RYR1: variants seen among roughly 807,000 people sequenced by gnomAD.
RYR1 encodes ryanodine receptor 1, also known as central core disease of muscle.
In RYR1, 342 loss-of-function variants were observed where a neutral mutation model predicts 583.5. That is an observed-to-expected ratio of 0.59 (90% CI 0.54 to 0.64). The LOEUF (loss-of-function observed/expected upper bound fraction) is 0.64, where lower values mean the gene tolerates loss of function less well. RYR1 is among the 30% of genes least tolerant of loss of function. RYR1 has a pLI of 0.00. For synonymous variants in RYR1, 2,791 were observed against 2,822.5 expected (o/e 0.99, Z 0.35); for missense variants, 6,032 against 6,917.2 (o/e 0.87, Z 4.54).
chr19:38,580,388 C>T lies in RYR1; in HGVS notation c.14530C>T (p.Leu4844Phe). ...NGKQLVMTVGLLAVVVYLYTV... is the reference protein window; with the variant it reads ...NGKQLVMTVGFLAVVVYLYTV... ...CCCCCAGCTGGTGATGACCGTGGGC[C>T]TTCTGGCGGTGGTCGTCTACCTGTA... The change falls in exon 101 of 106, where the codon CTT becomes TTT. Residue 4844 changes from leucine to phenylalanine, a missense_variant. Physicochemically the swap from Leu to Phe is conservative, Grantham distance 22. This residue lies in a region of RYR1 where 189 missense variants were observed against 350.3 expected (regional missense o/e 0.54). Transcript: ENST00000359596. The T allele has an allele frequency of 3.1e-6, 5 of 1,614,136 alleles. No homozygotes were observed. The highest frequency in any genetic ancestry group is 4.2e-6 in the Non-Finnish European group (5 of 1,180,030).
In RYR1 at chr19:38,535,195, A is replaced by G. The variant is rs753534582; in HGVS notation, c.11414A>G (p.Asn3805Ser). The G allele has an allele frequency of 1.3e-5, 21 of 1,613,966 alleles. No individual in the cohort carries two copies. Among genetic ancestry groups the G allele is most frequent in the African/African-American group, 8.0e-5 (6 of 74,890 alleles). Residue 3805 changes from asparagine to serine, a missense_variant, in exon 80 of 106, where the codon AAT becomes AGT. Coordinates refer to ENST00000359596, the MANE Select transcript of RYR1 (RefSeq NM_000540.3). ...STLKLGISIL[N>S]GGNAEVQQKM... is the part of the protein sequence containing the mutation. Reference sequence around the variant, plus strand: ...CTGAAGCTGGGCATCTCCATCCTCAATGGAGGCAATGCTGAGGTCCAGCAG... The same window carrying G: ...CTGAAGCTGGGCATCTCCATCCTCAGTGGAGGCAATGCTGAGGTCCAGCAG...
chr19:38,492,710 C>CA, intron 38 of RYR1, 74 bp downstream of exon 38: 1 of 1,481,454 alleles, frequency 6.8e-7, no homozygotes, highest in Non-Finnish European at 9.2e-7. Context: ...CTCTGGGTCC[C>CA]AAAGAGGGCA....
At chr19:38,526,338 T>TC (rs1228274819) in intron 71 of RYR1, among the ~76,000 whole-genome samples, 4 of 143,742 alleles carry the variant, frequency 2.8e-5, no homozygotes, top group East Asian at 4.1e-4. Context: ...CCTATAGCCC[T>TC]CCCCCCAGGA....
At chr19:38,473,837 A>G (rs1600731876) in intron 28 of RYR1, 66 bp downstream of exon 28, 4 of 1,238,588 alleles carry the variant, frequency 3.2e-6, no homozygotes, top group Non-Finnish European at 4.4e-6. Context: ...AGGCAACCAC[A>G]GTAACCTGAG....
chr19:38,587,083 A>G (rs1974526034), intron 105 of RYR1, among the ~76,000 whole-genome samples: 2 of 152,196 alleles, frequency 1.3e-5, no homozygotes, highest in Admixed American at 6.5e-5. Context: ...GCCTAGGAAC[A>G]CAGCGAGACC....
chr19:38,512,321 G>C lies in RYR1; in HGVS notation c.9310G>C (p.Glu3104Gln). 1 of 1,614,234 alleles carries C rather than the reference G, an allele frequency of 6.2e-7. No individual in the cohort carries two copies. The highest frequency in any genetic ancestry group is 8.5e-7 in the Non-Finnish European group (1 of 1,180,054). ...CTTCGAGAGTGCCTCGGAGGACATC[G>C]AGAAGATGGTGGAGAACCTGCGGCT... Reference protein sequence around the residue: ...SFFESASEDIEKMVENLRLGK... With the variant: ...SFFESASEDIQKMVENLRLGK... Residue 3104 changes from glutamate (E) to glutamine (Q), a missense_variant, in exon 63 of 106, where the codon GAG becomes CAG. Physicochemically the swap from Glu to Gln is conservative, Grantham distance 29. This residue lies in a region of RYR1 where 1,493 missense variants were observed against 1,715.5 expected (regional missense o/e 0.87). Transcript: ENST00000359596. This position sits in a 1 kb window ranked among gnomAD's most constrained non-coding sequence, Gnocchi z 5.1.
In RYR1 at chr19:38,543,670, TC is replaced by T. The variant is rs765730769; in HGVS notation, c.11907+15del. ...CACTGAGTACATCCAGGTAGGGCGCTCCCCCTGGGGCGGGAGTGGGAAGGGA... is the reference window on the plus strand; with the variant it reads ...CACTGAGTACATCCAGGTAGGGCGCTCCCCTGGGGCGGGAGTGGGAAGGGA... On this transcript the variant is annotated intron_variant, in intron 86 of 105. Coordinates refer to ENST00000359596, the MANE Select transcript of RYR1 (RefSeq NM_000540.3). The surrounding 1 kb of genome is among the most constrained non-coding windows in gnomAD (Gnocchi z 4.4). 1 of 1,613,060 alleles carries T rather than the reference TC, an allele frequency of 6.2e-7. No homozygotes were observed. Among genetic ancestry groups the T allele is most frequent in the Non-Finnish European group, 8.5e-7 (1 of 1,179,948 alleles).
rs577473117 is a variant in RYR1, at chr19:38,466,744, G to A, written c.3178+346G>A. 1.1e-3 allele frequency among the ~76,000 whole-genome samples: 162 copies of A among 151,970 alleles called. 3 individuals are homozygous for A. The South Asian group carries it at 0.017, about 16-fold the overall frequency. On this transcript the variant is annotated intron_variant, in intron 24 of 105. Transcript: ENST00000359596. ...TCTCGATCTCCTGACCTCGTGATCC[G>A]CCTGCCTCGGACTCCCAAAGTGCTG...
At chr19:38,572,998 T>C (rs768301668) in intron 95 of RYR1, among the ~76,000 whole-genome samples, 179 bp from the exon 96 acceptor site, 2 of 147,134 alleles carry the variant, frequency 1.4e-5, no homozygotes. Flanking sequence ...CCTCTGCCCA[T>C]GTTCCCCACA....
At chr19:38,585,442 TTA>T (rs893706756) in intron 102 of RYR1, among the ~76,000 whole-genome samples, 2 of 147,768 alleles carry the variant, frequency 1.4e-5, no homozygotes, top group African/African-American at 4.9e-5. Context: ...TTATATATAT[TTA>T]TATATATGTG....
rs189727800 is a variant in RYR1, at chr19:38,453,759, C to T, written c.1440+745C>T. 3.5e-3 allele frequency among the ~76,000 whole-genome samples: 536 copies of T among 151,770 alleles called. 2 individuals are homozygous for T. The highest frequency in any genetic ancestry group is 0.012 in the African/African-American group (517 of 41,374). ...CCATGTGCAAAGGCCATGAGGTGGG[C>T]GGGTGTTTGGCATGTTCCAGAAACA... On this transcript the variant is annotated intron_variant, in intron 13 of 105. Coordinates refer to ENST00000359596, the MANE Select transcript of RYR1 (RefSeq NM_000540.3).
intron 90 of RYR1, among the ~76,000 whole-genome samples, chr19:38,564,043 C>T (rs1973272525): frequency 1.3e-5 from 2 of 152,206 alleles, no homozygotes; most frequent in Admixed American, 6.5e-5. Flanking sequence ...ACAGTGAGTG[C>T]TCTCTATAAA....
At chr19:38,473,897 G>C in intron 28 of RYR1, 126 bp downstream of exon 28, 1 of 695,408 alleles carries the variant, frequency 1.4e-6, no homozygotes, top group Non-Finnish European at 2.3e-6. Context: ...AGTGGAGTAA[G>C]AATACCGAGA....
At chr19:38,504,974 A>G (rs781411740) in intron 51 of RYR1, 29 bp from the exon 52 acceptor site, 1 of 1,614,086 alleles carries the variant, frequency 6.2e-7, no homozygotes, top group Admixed American at 1.7e-5. Flanking sequence ...CCCCAGCTCC[A>G]ACATCTGCTG....
chr19:38,569,093 CT>C (rs1429594917), intron 93 of RYR1, among the ~76,000 whole-genome samples: 1 of 152,050 alleles, frequency 6.6e-6, no homozygotes, highest in African/African-American at 2.4e-5. Flanking sequence ...TCACTGCAAG[CT>C]CTGACTCCTG....
chr19:38,437,988 TAAA>T (rs11452334), intron 1 of RYR1, among the ~76,000 whole-genome samples: 2 of 139,998 alleles, frequency 1.4e-5, no homozygotes, highest in African/African-American at 5.3e-5. Flanking sequence ...CCCAGTCTCT[TAAA>T]AAAAAAAAAA....
Position 38,485,988 on chromosome 19 carries a change from C to T in RYR1, c.5333C>T (p.Ser1778Leu), listed in dbSNP as rs367543055. ...TCGCTGAGGCCCCCGCATCATTTCT[C>T]GCCCCCCTGTTTCGTGGCCGCTCTG... ...TTSLRPPHHF[S>L]PPCFVAALPA... The change falls in exon 34 of 106, where the codon TCG becomes TTG. Residue 1778 changes from serine to leucine, a missense_variant. By Grantham distance (145) the Ser-to-Leu change is moderately radical (BLOSUM62 -2). Around this residue, in one of 11 missense-constraint regions of RYR1, gnomAD observed 2,627 missense variants for 2,961.3 expected, o/e 0.89. Coordinates refer to ENST00000359596, the MANE Select transcript of RYR1 (RefSeq NM_000540.3). 2 of 1,613,582 alleles carry T rather than the reference C, an allele frequency of 1.2e-6. No individual in the cohort carries two copies. Among genetic ancestry groups the T allele is most frequent in the East Asian group, 2.2e-5 (1 of 44,880 alleles).
At position 38,510,251 on chromosome 19, in the gene RYR1, G is replaced by T. The variant is rs1243072753; in HGVS notation, c.8933-247G>T. 2.0e-5 allele frequency among the ~76,000 whole-genome samples: 3 copies of T among 152,248 alleles called. No individual in the cohort carries two copies. In the East Asian group the frequency reaches 5.8e-4, roughly 29 times the overall value. On this transcript the variant is annotated intron_variant, in intron 58 of 105. Coordinates refer to ENST00000359596, the MANE Select transcript of RYR1 (RefSeq NM_000540.3). ...CAGGAGAATCGCTTGAACTCAGGAGGCAGAGAGTGCAGTGAGCCGAGATCG... is the reference window on the plus strand; with the variant it reads ...CAGGAGAATCGCTTGAACTCAGGAGTCAGAGAGTGCAGTGAGCCGAGATCG...
In RYR1 at chr19:38,485,756, C is replaced by T. The variant is rs1326265248; in HGVS notation, c.5101C>T (p.His1701Tyr). The change falls in exon 34 of 106, where the codon CAC (histidine) becomes TAC (tyrosine). Residue 1701 changes from histidine (H) to tyrosine (Y), a missense_variant. Physicochemically the swap from His to Tyr is moderately conservative, Grantham distance 83. Coordinates refer to ENST00000359596, the MANE Select transcript of RYR1 (RefSeq NM_000540.3). ...GCTGCTGCACGCCCTGGAGGACGCGCACCTGCCAGGCCCACTGCGCGCAGG... is the reference window on the plus strand; with the variant it reads ...GCTGCTGCACGCCCTGGAGGACGCGTACCTGCCAGGCCCACTGCGCGCAGG... ...AQLLHALEDAHLPGPLRAGYY... is the reference protein window; with the variant it reads ...AQLLHALEDAYLPGPLRAGYY... The T allele has an allele frequency of 1.9e-6, 3 of 1,612,996 alleles. No individual in the cohort carries two copies. Among genetic ancestry groups the T allele is most frequent in the Non-Finnish European group, 2.5e-6 (3 of 1,179,980 alleles).
Sources: allele counts gnomAD v4.1 joint callset (sites outside exome capture counted in the v4.1 genomes callset), GRCh38; gene constraint gnomAD v4.1.1; regional missense constraint gnomAD v4.1.1; non-coding constraint Gnocchi (gnomAD v3.1); transcripts MANE v1.5; gene names NCBI Gene and HGNC (gene_info 2026-07-23, HGNC 2026-07-21).